Variants in KLRG1 observed in about 807,000 individuals in gnomAD.
KLRG1 encodes the protein killer cell lectin like receptor G1.
KLRG1 carries 16 observed loss-of-function variants against 21.8 expected under a neutral mutation model. That is an observed-to-expected ratio of 0.73 (90% CI 0.50 to 1.11). The LOEUF is 1.11. Among genes scored for constraint, KLRG1 ranks in the 50% most tolerant of loss-of-function variants. The pLI is 0.00. For synonymous variants in KLRG1, 69 were observed against 75.9 expected (o/e 0.91, Z 0.47); for missense variants, 173 against 218.3 (o/e 0.79, Z 1.31).
chr12:9,096,218 C>A, the KLRG1 span, among the ~76,000 whole-genome samples: 1 of 152,116 alleles, frequency 6.6e-6, no homozygotes, highest in Non-Finnish European at 1.5e-5. Flanking sequence ...TAGGAAAAAC[C>A]AAACACTCCA....
intron 3 of KLRG1, among the ~76,000 whole-genome samples, chr12:9,002,512 C>G (rs1592276179): frequency 6.6e-6 from 1 of 152,138 alleles, no homozygotes; most frequent in African/African-American, 2.4e-5. Context: ...CCTAAGTGTT[C>G]TAGCTCACAC....
chr12:9,148,876 T>C, the KLRG1 span: 1 of 1,094,680 alleles, frequency 9.1e-7, no homozygotes, highest in Non-Finnish European at 1.4e-6. Flanking sequence ...TCAGCAAATA[T>C]TTTTAGTGTC....
At chr12:9,132,311 A>G in the KLRG1 span, among the ~76,000 whole-genome samples, 2 of 152,234 alleles carry the variant, frequency 1.3e-5, no homozygotes, top group Non-Finnish European at 1.5e-5. Flanking sequence ...ATTCCAGCTG[A>G]TACAAAATAT....
the KLRG1 span, among the ~76,000 whole-genome samples, chr12:9,189,896 C>T: frequency 1.3e-5 from 2 of 152,076 alleles, no homozygotes; most frequent in African/African-American, 4.8e-5. Flanking sequence ...AAAAAAAGCT[C>T]AATACTACTG....
the KLRG1 span, chr12:9,116,083 T>A: frequency 7.9e-6 from 4 of 504,764 alleles, no homozygotes; most frequent in African/African-American, 7.8e-5. Flanking sequence ...CTAAATAGAA[T>A]CCCTGGAGGG....
chr12:9,033,581 G>A, the KLRG1 span, among the ~76,000 whole-genome samples: 1 of 152,208 alleles, frequency 6.6e-6, no homozygotes, highest in Non-Finnish European at 1.5e-5. Flanking sequence ...CTCTATGCTT[G>A]CTCAGCTATG....
At chr12:9,077,638 T>A in the KLRG1 span, 2 of 1,586,690 alleles carry the variant, frequency 1.3e-6, no homozygotes, top group Non-Finnish European at 1.7e-6. Context: ...CATTATCACT[T>A]CCTATCCTCA....
At chr12:9,138,877 T>G in the KLRG1 span, among the ~76,000 whole-genome samples, 1 of 151,928 alleles carries the variant, frequency 6.6e-6, no homozygotes, top group Admixed American at 6.5e-5. Flanking sequence ...GTGTTAATTA[T>G]TTTTTTCAAA....
the KLRG1 span, chr12:9,090,399 GT>G: frequency 6.2e-7 from 1 of 1,614,016 alleles, no homozygotes. Context: ...TTTGCCGCCC[GT>G]TTGCACAGAT....
At chr12:9,163,267 A>G in the KLRG1 span, among the ~76,000 whole-genome samples, 1 of 146,898 alleles carries the variant, frequency 6.8e-6, no homozygotes. Flanking sequence ...CCTGGCTAAC[A>G]TGGTGAAACC....
At chr12:9,100,276 A>G in the KLRG1 span, among the ~76,000 whole-genome samples, 2 of 152,202 alleles carry the variant, frequency 1.3e-5, no homozygotes, top group African/African-American at 2.4e-5. Context: ...TATATACAAC[A>G]TACCTTGAAA....
the KLRG1 span, among the ~76,000 whole-genome samples, chr12:9,201,852 T>C: frequency 2.6e-5 from 4 of 152,070 alleles, no homozygotes; most frequent in African/African-American, 4.8e-5. Flanking sequence ...TGAAGGTAAG[T>C]TGAAAAAAGG....
intron 3 of KLRG1, among the ~76,000 whole-genome samples, chr12:8,996,321 A>G (rs1805747): frequency 0.016 from 2,449 of 152,240 alleles, 29 homozygotes; most frequent in Non-Finnish European, 0.019. Context: ...AAAATCAATC[A>G]AATTCTAATT....
the KLRG1 span, among the ~76,000 whole-genome samples, chr12:9,025,431 G>A: frequency 6.6e-6 from 1 of 152,196 alleles, no homozygotes; most frequent in Non-Finnish European, 1.5e-5. Context: ...GAGGCCAGGA[G>A]TTTGAGATCA....
chr12:9,202,247 A>G, the KLRG1 span: 1 of 1,327,234 alleles, frequency 7.5e-7, no homozygotes, highest in Non-Finnish European at 1.1e-6. Context: ...CTTTTCTTGT[A>G]CCTTTCTACC....
At chr12:9,072,652 C>T in the KLRG1 span, 1 of 1,613,936 alleles carries the variant, frequency 6.2e-7, no homozygotes, top group Non-Finnish European at 8.5e-7. Flanking sequence ...AAGAGTCTCA[C>T]CTGGAGGTAG....
chr12:9,197,041 G>T, the KLRG1 span: 1 of 1,613,204 alleles, frequency 6.2e-7, no homozygotes, highest in South Asian at 1.1e-5. Flanking sequence ...CAGACCTCCT[G>T]CTTGTCACAA....
chr12:8,969,367 C>G (rs141987301), intron 1 of KLRG1, among the ~76,000 whole-genome samples: 5 of 152,152 alleles, frequency 3.3e-5, no homozygotes, highest in African/African-American at 9.7e-5. Context: ...GGCTCCCAGG[C>G]TGTTGCTCAG....
the KLRG1 span, among the ~76,000 whole-genome samples, chr12:9,133,356 C>T: frequency 6.6e-6 from 1 of 152,120 alleles, no homozygotes; most frequent in Non-Finnish European, 1.5e-5. Flanking sequence ...ATTATTTAGT[C>T]AGTTCACAAG....
Sources: gnomAD v4.1 joint callset for allele counts (sites outside exome capture counted in the v4.1 genomes callset) on GRCh38, gnomAD v4.1.1 for gene constraint, MANE v1.5 for transcripts, NCBI Gene and HGNC (gene_info 2026-07-23, HGNC 2026-07-21) for gene names.